The following DAB1 variants were observed in gnomAD, a reference collection of about 807,000 sequenced individuals.
The protein encoded by DAB1 is DAB adaptor protein 1.
In DAB1, 15 loss-of-function variants were observed where a neutral mutation model predicts 64.6. That is an observed-to-expected ratio of 0.23 (90% CI 0.16 to 0.36). The LOEUF (loss-of-function observed/expected upper bound fraction) is 0.36. Ranked by LOEUF, DAB1 falls within the 10% of genes least tolerant of loss-of-function variation. The pLI is 1.00. For missense variants in DAB1, 596 were observed against 706.7 expected (o/e 0.84, Z 1.78); for synonymous variants, 235 against 251.9 (o/e 0.93, Z 0.64).
Position 58,168,573 on chromosome 1 carries a change from C to T in DAB1, n.310-17985G>A, listed in dbSNP as rs115719639. ...GACTCTATTCCCTTCTTTAGGTACA[C>T]GGGCTCACCAAGCAGAAAGACATAA... is the stretch of plus-strand genomic sequence containing the variant. On this transcript the variant is annotated intron_variant and non_coding_transcript_variant, in intron 4 of 20. Coordinates refer to the DAB1 transcript ENST00000485760. Among the ~76,000 whole-genome samples, 596 of 152,146 alleles carry T rather than the reference C, an allele frequency of 3.9e-3. 4 individuals are homozygous for T. Among genetic ancestry groups the T allele is most frequent in the African/African-American group, 0.012 (515 of 41,512 alleles).
At chr1:58,142,248 G>T (rs1654328337) in intron 5 of DAB1, among the ~76,000 whole-genome samples, 1 of 152,094 alleles carries the variant, frequency 6.6e-6, no homozygotes, top group East Asian at 1.9e-4. Flanking sequence ...GGCTGCCTTG[G>T]TCTCTCAGTC....
intron 5 of DAB1, among the ~76,000 whole-genome samples, chr1:58,060,886 G>A (rs1360114707): frequency 6.6e-6 from 1 of 152,222 alleles, no homozygotes; most frequent in Non-Finnish European, 1.5e-5. Context: ...CCTCGGCAGG[G>A]GAATGCCACA....
chr1:57,130,512 T>A (rs1157425947), intron 4 of DAB1, among the ~76,000 whole-genome samples: 2 of 152,126 alleles, frequency 1.3e-5, no homozygotes, highest in African/African-American at 2.4e-5. Context: ...TCAACTTAAG[T>A]GTGGTACCAG....
intron 4 of DAB1, among the ~76,000 whole-genome samples, chr1:58,189,567 C>T (rs1264697986): frequency 6.6e-6 from 1 of 152,150 alleles, no homozygotes; most frequent in Non-Finnish European, 1.5e-5. Flanking sequence ...CTCTGTTCCA[C>T]CCCAGCATCC....
chr1:58,206,819 G>T (rs1658307887), intron 4 of DAB1, among the ~76,000 whole-genome samples: 1 of 152,206 alleles, frequency 6.6e-6, no homozygotes, highest in South Asian at 2.1e-4. Flanking sequence ...ATGAAGTTAT[G>T]CTCTTTGCTA....
At chr1:57,362,021 T>C (rs1679591164) in intron 1 of DAB1, among the ~76,000 whole-genome samples, 1 of 152,200 alleles carries the variant, frequency 6.6e-6, no homozygotes, top group South Asian at 2.1e-4. Context: ...TCCTTCACCT[T>C]AGACCTTTGA....
chr1:58,042,039 C>T (rs976834973), intron 5 of DAB1, among the ~76,000 whole-genome samples: 2 of 152,198 alleles, frequency 1.3e-5, no homozygotes, highest in Non-Finnish European at 2.9e-5. Context: ...TGTCTCTGGC[C>T]AGGTCAGCTC....
At chr1:57,331,753 CTCT>C (rs1484868382) in intron 1 of DAB1, among the ~76,000 whole-genome samples, 3 of 152,176 alleles carry the variant, frequency 2.0e-5, no homozygotes, top group Non-Finnish European at 4.4e-5. Context: ...CCCACAATTG[CTCT>C]TCTTCTTTTG....
chr1:57,071,757 A>G (rs1651492446), intron 5 of DAB1, 116 bp from the exon 6 acceptor site: 4 of 982,090 alleles, frequency 4.1e-6, no homozygotes, highest in Non-Finnish European at 5.9e-6. Context: ...ATCTGAAAGC[A>G]TTCCATTCTT....
intron 7 of DAB1, among the ~76,000 whole-genome samples, chr1:57,577,493 G>A (rs1050696237): frequency 6.6e-6 from 1 of 151,296 alleles, no homozygotes. Flanking sequence ...ATTGATTACC[G>A]AACACTAAAA....
chr1:58,338,761 T>C (rs1411714351), intron 4 of DAB1, among the ~76,000 whole-genome samples: 1 of 152,156 alleles, frequency 6.6e-6, no homozygotes, highest in Non-Finnish European at 1.5e-5. Context: ...AACCCAAATG[T>C]CCATCAATAG....
At chr1:57,552,665 C>T (rs1445712211) in intron 7 of DAB1, among the ~76,000 whole-genome samples, 2 of 152,256 alleles carry the variant, frequency 1.3e-5, no homozygotes, top group South Asian at 4.1e-4. Flanking sequence ...CTCATTGTTA[C>T]AAAAGATACA....
intron 6 of DAB1, among the ~76,000 whole-genome samples, chr1:57,735,476 G>A (rs968268646): frequency 3.9e-5 from 6 of 152,106 alleles, no homozygotes; most frequent in Non-Finnish European, 8.8e-5. Flanking sequence ...GTCAGGTGGT[G>A]TGCTAGCAGC....
At chr1:57,320,793 AC>A (rs1321054484) in intron 1 of DAB1, among the ~76,000 whole-genome samples, 1 of 152,134 alleles carries the variant, frequency 6.6e-6, no homozygotes, top group Non-Finnish European at 1.5e-5. Flanking sequence ...TAATCACAAA[AC>A]CCTATGTGGT....
chr1:58,520,219 G>C (rs138603687), intron 2 of DAB1, among the ~76,000 whole-genome samples: 43 of 152,048 alleles, frequency 2.8e-4, no homozygotes, highest in African/African-American at 9.6e-4. Flanking sequence ...CCACGTAACA[G>C]ACCTGCACGT....
intron 2 of DAB1, among the ~76,000 whole-genome samples, chr1:57,251,335 T>G (rs1040770579): frequency 6.6e-6 from 1 of 152,226 alleles, no homozygotes; most frequent in Non-Finnish European, 1.5e-5. Flanking sequence ...TGCCTTGATA[T>G]TACTGTTAAT....
intron 5 of DAB1, among the ~76,000 whole-genome samples, chr1:57,972,275 T>C (rs1394856315): frequency 2.6e-5 from 4 of 152,322 alleles, no homozygotes; most frequent in Non-Finnish European, 5.9e-5. Context: ...TTCACTCTGA[T>C]GTCCAGGCTG....
At chr1:57,439,991 C>T (rs1685879162) in intron 7 of DAB1, among the ~76,000 whole-genome samples, 1 of 152,018 alleles carries the variant, frequency 6.6e-6, no homozygotes, top group Admixed American at 6.6e-5. Context: ...TATTATATGC[C>T]CCTGATAATA....
intron 7 of DAB1, among the ~76,000 whole-genome samples, chr1:57,454,582 T>C (rs770882749): frequency 1.1e-4 from 16 of 152,062 alleles, no homozygotes; most frequent in Non-Finnish European, 2.4e-4. Flanking sequence ...GGTGATGACA[T>C]AATCTGTACA....
Sources: gnomAD v4.1 joint callset for allele counts (sites outside exome capture counted in the v4.1 genomes callset) on GRCh38, gnomAD v4.1.1 for gene constraint, MANE v1.5 for transcripts, NCBI Gene and HGNC (gene_info 2026-07-23, HGNC 2026-07-21) for gene names.